Variants in SPIDR observed in about 807,000 individuals in gnomAD.
SPIDR encodes DNA repair-scaffolding protein.
Under a neutral mutation model 104.6 loss-of-function variants are expected in SPIDR, and 93 were observed. The observed-to-expected ratio is 0.89, with a 90% CI of 0.75 to 1.06. The LOEUF (loss-of-function observed/expected upper bound fraction) is 1.06. Ranked by LOEUF, SPIDR falls within the 50% of genes least tolerant of loss-of-function variation. SPIDR has a pLI of 0.00. For missense variants in SPIDR, 1,154 were observed against 1,111.2 expected (o/e 1.04, Z -0.55); for synonymous variants, 431 against 416.9 (o/e 1.03, Z -0.41).
In SPIDR at chr8:47,608,920, G is replaced by A. The variant is rs540291503; in HGVS notation, c.1544+9724G>A. ...TTTTTTGTATTTTTAGTAGAGACGG[G>A]GTTTCACCATGTTGGCCTGGATGGT... On this transcript the variant is annotated intron_variant, in intron 10 of 19. Transcript: ENST00000297423. Among the ~76,000 whole-genome samples the A allele has an allele frequency of 1.4e-4, 21 of 152,222 alleles. No individual in the cohort carries two copies. The South Asian group carries it at 1.7e-3, about 12-fold the overall frequency.
At chr8:47,485,948 C>T (rs2077544607) in intron 8 of SPIDR, among the ~76,000 whole-genome samples, 1 of 152,242 alleles carries the variant, frequency 6.6e-6, no homozygotes, top group African/African-American at 2.4e-5. Flanking sequence ...AGCGCCTGTC[C>T]CCCTCTAAAG....
chr8:47,580,891 T>G (rs896462144), intron 8 of SPIDR, among the ~76,000 whole-genome samples: 5 of 152,202 alleles, frequency 3.3e-5, no homozygotes, highest in African/African-American at 1.2e-4. Context: ...AAGAAACAGC[T>G]GTTGTATTCT....
intron 10 of SPIDR, chr8:47,661,049 C>T: frequency 8.0e-6 from 6 of 747,326 alleles, no homozygotes; most frequent in Non-Finnish European, 9.8e-6. Context: ...CATGTGGTGC[C>T]TGCTCCCCTG....
At chr8:47,264,723 G>A (rs2033500066) in intron 1 of SPIDR, among the ~76,000 whole-genome samples, 1 of 151,524 alleles carries the variant, frequency 6.6e-6, no homozygotes, top group Non-Finnish European at 1.5e-5. Flanking sequence ...ACTGTCTCCT[G>A]GGTTCAAGTT....
intron 5 of SPIDR, among the ~76,000 whole-genome samples, chr8:47,349,862 A>C (rs2053087321): frequency 6.6e-6 from 1 of 152,198 alleles, no homozygotes; most frequent in Admixed American, 6.5e-5. Flanking sequence ...CCGATTTTCC[A>C]GGGACCATCT....
At chr8:47,697,542 G>A (rs1244592377) in intron 11 of SPIDR, among the ~76,000 whole-genome samples, 2 of 152,142 alleles carry the variant, frequency 1.3e-5, no homozygotes, top group African/African-American at 4.8e-5. Flanking sequence ...AAGCACGCGT[G>A]GGCTCCTGCC....
chr8:47,676,107 T>C (rs1190579119), intron 11 of SPIDR, among the ~76,000 whole-genome samples: 1 of 152,262 alleles, frequency 6.6e-6, no homozygotes, highest in African/African-American at 2.4e-5. Flanking sequence ...CTAAAGGTCC[T>C]GTTCTTTCAC....
At chr8:47,697,063 C>T (rs1008988665) in intron 11 of SPIDR, among the ~76,000 whole-genome samples, 37 of 152,028 alleles carry the variant, frequency 2.4e-4, no homozygotes, top group Non-Finnish European at 4.4e-5. Flanking sequence ...TGATGTGGTG[C>T]CCCCATCCTT....
At chr8:47,420,944 A>G (rs2065326967) in intron 7 of SPIDR, among the ~76,000 whole-genome samples, 1 of 152,214 alleles carries the variant, frequency 6.6e-6, no homozygotes, top group Admixed American at 6.5e-5. Context: ...GGCCCCCATT[A>G]TCTTCTGGCT....
chr8:47,489,756 AT>A (rs2078346541), intron 8 of SPIDR, among the ~76,000 whole-genome samples: 1 of 152,234 alleles, frequency 6.6e-6, no homozygotes, highest in Admixed American at 6.5e-5. Context: ...TGGGGAAAGG[AT>A]TCCCTATTTA....
rs373652127 is a variant in SPIDR, at chr8:47,437,663, G to A, written c.878-2660G>A. Among the ~76,000 whole-genome samples the A allele has an allele frequency of 4.9e-3, 749 of 152,078 alleles. 6 individuals are homozygous for A. In the East Asian group the frequency reaches 0.058, roughly 12 times the overall value. ...ATGCTCATCATCACTGGCCATCAGA[G>A]AAATGCAAATCAAAACCACAATGAG... is the stretch of plus-strand genomic sequence containing the variant. On this transcript the variant is annotated intron_variant, in intron 7 of 19. Transcript: ENST00000297423.
intron 8 of SPIDR, among the ~76,000 whole-genome samples, chr8:47,503,506 C>T (rs920190925): frequency 2.6e-5 from 4 of 152,104 alleles, no homozygotes; most frequent in Non-Finnish European, 4.4e-5. Context: ...TTCCTCCATC[C>T]GTTTATTTTG....
chr8:47,498,733 T>G (rs1331240617), intron 8 of SPIDR, among the ~76,000 whole-genome samples: 3 of 152,202 alleles, frequency 2.0e-5, no homozygotes, highest in Non-Finnish European at 4.4e-5. Context: ...CTAACATGTT[T>G]GCATTTATGT....
chr8:47,716,050 T>G (rs2082543950), intron 16 of SPIDR, among the ~76,000 whole-genome samples: 1 of 150,578 alleles, frequency 6.6e-6, no homozygotes, highest in Non-Finnish European at 1.5e-5. Flanking sequence ...CTGCAACCTC[T>G]GCCTACTGGG....
chr8:47,401,529 G>A (rs568726236), intron 6 of SPIDR, among the ~76,000 whole-genome samples: 1 of 152,196 alleles, frequency 6.6e-6, no homozygotes, highest in South Asian at 2.1e-4. Context: ...TTAAAAGACA[G>A]AGACTAGCAA....
intron 16 of SPIDR, among the ~76,000 whole-genome samples, chr8:47,718,347 G>A (rs1014687178): frequency 6.6e-6 from 1 of 152,146 alleles, no homozygotes. Context: ...ATTGGTTCAT[G>A]TATTTTGCAT....
At chr8:47,422,401 T>C (rs1339511770) in intron 7 of SPIDR, among the ~76,000 whole-genome samples, 6 of 152,194 alleles carry the variant, frequency 3.9e-5, no homozygotes, top group Non-Finnish European at 7.4e-5. Context: ...CGTAGGACCC[T>C]CCGAGCCACG....
chr8:47,465,432 A>G (rs2074609858), intron 8 of SPIDR, among the ~76,000 whole-genome samples: 4 of 152,190 alleles, frequency 2.6e-5, no homozygotes, highest in Non-Finnish European at 5.9e-5. Flanking sequence ...AGCTGGATAA[A>G]GATTCAAGGC....
At chr8:47,309,987 C>T (rs376159440) in intron 5 of SPIDR, among the ~76,000 whole-genome samples, 30 of 142,248 alleles carry the variant, frequency 2.1e-4, no homozygotes, top group East Asian at 1.7e-3. Flanking sequence ...TGCTGTGAGC[C>T]GGGATTGCAC....
Sources: gnomAD v4.1 joint callset for allele counts (sites outside exome capture counted in the v4.1 genomes callset) on GRCh38, gnomAD v4.1.1 for gene constraint, MANE v1.5 for transcripts, NCBI Gene and HGNC (gene_info 2026-07-23, HGNC 2026-07-21) for gene names.